NANOS2: variants seen among roughly 807,000 people sequenced by gnomAD.
NANOS2 encodes the protein nanos C2HC-type zinc finger 2.
NANOS2 carries 3 observed loss-of-function variants against 6.4 expected under a neutral mutation model. That is an observed-to-expected ratio of 0.47 (90% CI 0.22 to 1.22). NANOS2 has a LOEUF of 1.22. Ranked by LOEUF, NANOS2 falls within the 50% of genes most tolerant of loss-of-function variation. The pLI is 0.22. For synonymous variants in NANOS2, 86 were observed against 85.6 expected (o/e 1.00, Z -0.03); for missense variants, 177 against 191.0 (o/e 0.93, Z 0.43).
rs1967453261 is a variant in NANOS2 at position 45,914,771 on chromosome 19, C to T, written c.-78G>A. 3.6e-6 allele frequency: 5 copies of T among 1,398,306 alleles called. No individual in the cohort carries two copies. In the Admixed American group the frequency reaches 6.7e-5, roughly 19 times the overall value. The allele number at this position is 1,398,306 out of a possible 1,614,324, so 86.6% of individuals were successfully genotyped here. Reference sequence around the variant, plus strand: ...CGTGGGCAAGGGCAAGAGCAGCAGGCGTTTCCCAGAGCAGAAGGGAGCTGC... The same window carrying T: ...CGTGGGCAAGGGCAAGAGCAGCAGGTGTTTCCCAGAGCAGAAGGGAGCTGC... On this transcript the variant is annotated 5_prime_UTR_variant, in exon 1 of 1. Coordinates refer to ENST00000341294, the MANE Select transcript of NANOS2 (RefSeq NM_001029861.3).
chr19:45,914,161 G>T lies in NANOS2; in HGVS notation c.*116C>A. ...CACTGTTTCAGGATCCAGCCAGGGT[G>T]GAGTTCTGGGGGCCAGAAATTCCAA... On this transcript the variant is annotated 3_prime_UTR_variant, in exon 1 of 1. Transcript: ENST00000341294. The T allele has an allele frequency of 9.5e-7, 1 of 1,047,758 alleles. No individual in the cohort carries two copies. Among genetic ancestry groups the T allele is most frequent in the Admixed American group, 2.6e-5 (1 of 37,856 alleles). The allele number at this position is 1,047,758 out of a possible 1,614,324, so 64.9% of individuals were successfully genotyped here.
In NANOS2 at chr19:45,914,633, C is replaced by T. The variant is rs1405524924; in HGVS notation, c.61G>A (p.Ala21Thr). The change falls in exon 1 of 1, where the codon GCG (alanine) becomes ACG (threonine). Residue 21 changes from alanine (A) to threonine (T), a missense_variant. Physicochemically the swap from Ala to Thr is moderately conservative, Grantham distance 58. Coordinates refer to ENST00000341294, the MANE Select transcript of NANOS2 (RefSeq NM_001029861.3). ...DYFNLSQVVW[A>T]LIASRGQRLE... ...CTTTGACCCCGACTTGCGATCAGCGCCCACACCACCTGGCTCAGGTTGAAG... is the reference window on the plus strand; with the variant it reads ...CTTTGACCCCGACTTGCGATCAGCGTCCACACCACCTGGCTCAGGTTGAAG... 1.2e-6 allele frequency: 2 copies of T among 1,614,094 alleles called. No individual in the cohort carries two copies. Among genetic ancestry groups the T allele is most frequent in the South Asian group, 1.1e-5 (1 of 91,094 alleles).
chr19:45,914,476 C>T lies in NANOS2; in HGVS notation c.218G>A (p.Arg73His), dbSNP rs528874122. Residue 73 changes from arginine to histidine, a missense_variant, in exon 1 of 1, where the codon CGC becomes CAC. By Grantham distance (29) the Arg-to-His change is conservative. Transcript: ENST00000341294. ...CNFCKHNGESRHVYSSHQLKT... is the reference protein window; with the variant it reads ...CNFCKHNGESHHVYSSHQLKT... ...CAGCTGGTGTGAGGAGTAGACGTGG[C>T]GGGACTCCCCGTTGTGCTTGCAGAA... 6.2e-6 allele frequency: 10 copies of T among 1,614,132 alleles called. No homozygotes were observed. The highest frequency in any genetic ancestry group is 3.3e-4 in the Middle Eastern group (2 of 6,062).
Position 45,914,570 on chromosome 19 carries a change from G to T in NANOS2, c.124C>A (p.Pro42Thr). 2.5e-6 allele frequency: 4 copies of T among 1,614,190 alleles called. No homozygotes were observed. Among genetic ancestry groups the T allele is most frequent in the Non-Finnish European group, 3.4e-6 (4 of 1,180,010 alleles). Residue 42 changes from proline (P) to threonine (T), a missense_variant, in exon 1 of 1, where the codon CCT becomes ACT. By Grantham distance (38) the Pro-to-Thr change is conservative. Coordinates refer to ENST00000341294, the MANE Select transcript of NANOS2 (RefSeq NM_001029861.3). The stretch of plus-strand genomic sequence containing the variant: ...AGCCCCTGATCCTGCCCCAGCGGAG[G>T]CCCGGGACTTGGCTCCTCAATCTCT... Reference protein sequence around the residue: ...TQEIEEPSPGPPLGQDQGLGA... With the variant: ...TQEIEEPSPGTPLGQDQGLGA...
rs781054088 is a variant in NANOS2 at position 45,914,312 on chromosome 19, C to T, written c.382G>A (p.Gly128Arg). The T allele has an allele frequency of 1.9e-6, 3 of 1,613,506 alleles. No homozygotes were observed. The highest frequency in any genetic ancestry group is 2.2e-5 in the East Asian group (1 of 44,880). ...ACCCTGCGTCCGGCCGAGTTGCGCC[C>T]GCTGCGGCGGTAGAGGGACTGCTGG... Reference protein sequence around the residue: ...GGQQSLYRRSGRNSAGRRVKR With the variant: ...GGQQSLYRRSRRNSAGRRVKR The change falls in exon 1 of 1, where the codon GGG becomes AGG. Residue 128 changes from glycine (G) to arginine (R), a missense_variant. Gly to Arg is a moderately radical substitution (Grantham distance 125). Transcript: ENST00000341294.
In NANOS2 at chr19:45,913,976, G is replaced by A. The variant is rs1419955947; in HGVS notation, c.*301C>T. On this transcript the variant is annotated 3_prime_UTR_variant, in exon 1 of 1. Transcript: ENST00000341294. The stretch of plus-strand genomic sequence containing the variant: ...GGCTCCAGTCACCAGCAGGCCCCAC[G>A]AGGACAAAAGATCCATGAACCGGGG... The A allele has an allele frequency of 1.7e-5, 7 of 416,264 alleles. No individual in the cohort carries two copies. The highest frequency in any genetic ancestry group is 1.5e-4 in the East Asian group (4 of 26,118). The allele number at this position is 416,264 out of a possible 1,614,324, so 25.8% of individuals were successfully genotyped here.
chr19:45,913,948 C>A lies in NANOS2; in HGVS notation c.*329G>T. 1 of 358,628 alleles carries A rather than the reference C, an allele frequency of 2.8e-6. No individual in the cohort carries two copies. Among genetic ancestry groups the A allele is most frequent in the Non-Finnish European group, 5.1e-6 (1 of 194,848 alleles). The allele number at this position is 358,628 out of a possible 1,614,324, so 22.2% of individuals were successfully genotyped here. ...ACAAGGAACAGAGAAGTCGAAGGGG[C>A]AGGGCTCCAGTCACCAGCAGGCCCC... is the stretch of plus-strand genomic sequence containing the variant. On this transcript the variant is annotated 3_prime_UTR_variant, in exon 1 of 1. Coordinates refer to ENST00000341294, the MANE Select transcript of NANOS2 (RefSeq NM_001029861.3).
chr19:45,914,703 G>A lies in NANOS2; in HGVS notation c.-10C>T. The A allele has an allele frequency of 6.2e-7, 1 of 1,601,966 alleles. No individual in the cohort carries two copies. The highest frequency in any genetic ancestry group is 8.5e-7 in the Non-Finnish European group (1 of 1,172,328). ...AGGGTGGCAGCTGCATGGCACCAAA[G>A]CAGGGGTGGTGGGCCACAGGAGAGG... On this transcript the variant is annotated 5_prime_UTR_variant, in exon 1 of 1. Coordinates refer to ENST00000341294, the MANE Select transcript of NANOS2 (RefSeq NM_001029861.3).
Position 45,914,180 on chromosome 19 carries a change from A to T in NANOS2, c.*97T>A, listed in dbSNP as rs1242350404. The T allele has an allele frequency of 1.6e-6, 2 of 1,278,130 alleles. No individual in the cohort carries two copies. The highest frequency in any genetic ancestry group is 1.1e-6 in the Non-Finnish European group (1 of 940,388). The allele number at this position is 1,278,130 out of a possible 1,614,324, so 79.2% of individuals were successfully genotyped here. A position where few individuals can be genotyped will look rare whatever the true frequency, so the allele number is the denominator to read the frequency against. On this transcript the variant is annotated 3_prime_UTR_variant, in exon 1 of 1. Transcript: ENST00000341294. ...CAGGGTGGAGTTCTGGGGGCCAGAAATTCCAAAGGGCTGGGTGACTGGAAG... is the reference window on the plus strand; with the variant it reads ...CAGGGTGGAGTTCTGGGGGCCAGAATTTCCAAAGGGCTGGGTGACTGGAAG...
rs749440005 is a variant in NANOS2 at position 45,914,626 on chromosome 19, A to T, written c.68T>A (p.Ile23Asn). 2 of 1,614,170 alleles carry T rather than the reference A, an allele frequency of 1.2e-6. No individual in the cohort carries two copies. The highest frequency in any genetic ancestry group is 8.5e-7 in the Non-Finnish European group (1 of 1,180,022). Residue 23 changes from isoleucine (I) to asparagine (N), a missense_variant, in exon 1 of 1, where the codon ATC becomes AAC. By Grantham distance (149) the Ile-to-Asn change is moderately radical. Coordinates refer to ENST00000341294, the MANE Select transcript of NANOS2 (RefSeq NM_001029861.3). ...CTCCAGCCTTTGACCCCGACTTGCG[A>T]TCAGCGCCCACACCACCTGGCTCAG... ...FNLSQVVWAL[I>N]ASRGQRLETQ...
chr19:45,914,380 C>G lies in NANOS2; in HGVS notation c.314G>C (p.Gly105Ala). 2 of 1,614,110 alleles carry G rather than the reference C, an allele frequency of 1.2e-6. No individual in the cohort carries two copies. The highest frequency in any genetic ancestry group is 1.1e-5 in the South Asian group (1 of 91,088). ...GTACTTGAGCGTATGGGCCTGGTCA[C>G]CGGTGGCCCCGCACACGGGACACAC... ...HYVCPVCGATGDQAHTLKYCP... is the reference protein window; with the variant it reads ...HYVCPVCGATADQAHTLKYCP... Residue 105 changes from glycine (G) to alanine (A), a missense_variant, in exon 1 of 1, where the codon GGT becomes GCT. By Grantham distance (60) the Gly-to-Ala change is moderately conservative (BLOSUM62 0). Transcript: ENST00000341294.
At position 45,914,617 on chromosome 19, in the gene NANOS2, C is replaced by T. The variant is rs140269321; in HGVS notation, c.77G>A (p.Arg26Gln). The T allele has an allele frequency of 1.3e-3, 2,105 of 1,614,236 alleles. 2 individuals are homozygous for T. The highest frequency in any genetic ancestry group is 1.6e-3 in the Non-Finnish European group (1,941 of 1,180,040). The change falls in exon 1 of 1, where the codon CGG (arginine) becomes CAG (glutamine). Residue 26 changes from arginine to glutamine, a missense_variant. Physicochemically the swap from Arg to Gln is conservative, Grantham distance 43. Coordinates refer to ENST00000341294, the MANE Select transcript of NANOS2 (RefSeq NM_001029861.3). The stretch of plus-strand genomic sequence containing the variant: ...CTCTTGGGTCTCCAGCCTTTGACCC[C>T]GACTTGCGATCAGCGCCCACACCAC... ...SQVVWALIAS[R>Q]GQRLETQEIE... is the part of the protein sequence containing the mutation.
Position 45,914,302 on chromosome 19 carries a change from G to A in NANOS2, c.392C>T (p.Ser131Leu), listed in dbSNP as rs1256586556. 1.9e-6 allele frequency: 3 copies of A among 1,613,198 alleles called. No homozygotes were observed. The highest frequency in any genetic ancestry group is 1.1e-5 in the South Asian group (1 of 91,026). The change falls in exon 1 of 1, where the codon TCG (serine) becomes TTG (leucine). Residue 131 changes from serine to leucine, a missense_variant. Coordinates refer to ENST00000341294, the MANE Select transcript of NANOS2 (RefSeq NM_001029861.3). ...QSLYRRSGRN[S>L]AGRRVKR ...TCAGCGCTTGACCCTGCGTCCGGCC[G>A]AGTTGCGCCCGCTGCGGCGGTAGAG... is the stretch of plus-strand genomic sequence containing the variant.
rs1172161404 is a variant in NANOS2, at chr19:45,914,328, G to A, written c.366C>T (p.Ser122=). 1 of 1,613,808 alleles carries A rather than the reference G, an allele frequency of 6.2e-7. No individual in the cohort carries two copies. The highest frequency in any genetic ancestry group is 8.5e-7 in the Non-Finnish European group (1 of 1,179,970). ...AGTTGCGCCCGCTGCGGCGGTAGAGGGACTGCTGGCCACCGTTAAGCGGGC... is the reference window on the plus strand; with the variant it reads ...AGTTGCGCCCGCTGCGGCGGTAGAGAGACTGCTGGCCACCGTTAAGCGGGC... ...KYCPLNGGQQ[S]LYRRSGRNSA... Residue 122 remains serine (S), a synonymous_variant, in exon 1 of 1, where the codon TCC becomes TCT. Transcript: ENST00000341294.
In NANOS2 at chr19:45,913,953, C is replaced by T. The variant is rs1053070369; in HGVS notation, c.*324G>A. The T allele has an allele frequency of 5.4e-6, 2 of 373,802 alleles. No individual in the cohort carries two copies. Among genetic ancestry groups the T allele is most frequent in the Admixed American group, 4.0e-5 (1 of 25,184 alleles). 23.2% of individuals were successfully genotyped at this position (373,802 alleles called of 1,614,324 possible). ...GAACAGAGAAGTCGAAGGGGCAGGG[C>T]TCCAGTCACCAGCAGGCCCCACGAG... is the stretch of plus-strand genomic sequence containing the variant. On this transcript the variant is annotated 3_prime_UTR_variant, in exon 1 of 1. Coordinates refer to ENST00000341294, the MANE Select transcript of NANOS2 (RefSeq NM_001029861.3).
rs535471871 is a variant in NANOS2, at chr19:45,914,768, A to T, written c.-75T>A. 7.0e-7 allele frequency: 1 copy of T among 1,431,290 alleles called. No individual in the cohort carries two copies. Among genetic ancestry groups the T allele is most frequent in the Admixed American group, 2.2e-5 (1 of 46,116 alleles). 88.7% of individuals were successfully genotyped at this position (1,431,290 alleles called of 1,614,324 possible). On this transcript the variant is annotated 5_prime_UTR_variant, in exon 1 of 1. Coordinates refer to ENST00000341294, the MANE Select transcript of NANOS2 (RefSeq NM_001029861.3). ...GCCCGTGGGCAAGGGCAAGAGCAGC[A>T]GGCGTTTCCCAGAGCAGAAGGGAGC...
rs143135004 is a variant in NANOS2 at position 45,914,464 on chromosome 19, G to T, written c.230C>A (p.Ser77Tyr). Residue 77 changes from serine to tyrosine, a missense_variant, in exon 1 of 1, where the codon TCC (serine) becomes TAC (tyrosine). Coordinates refer to ENST00000341294, the MANE Select transcript of NANOS2 (RefSeq NM_001029861.3). ...KHNGESRHVY[S>Y]SHQLKTPDGV... ...ATCCGGTGTCTTCAGCTGGTGTGAGGAGTAGACGTGGCGGGACTCCCCGTT... is the reference window on the plus strand; with the variant it reads ...ATCCGGTGTCTTCAGCTGGTGTGAGTAGTAGACGTGGCGGGACTCCCCGTT... 3.1e-6 allele frequency: 5 copies of T among 1,614,072 alleles called. No homozygotes were observed. The highest frequency in any genetic ancestry group is 2.7e-5 in the African/African-American group (2 of 74,948).
At position 45,914,301 on chromosome 19, in the gene NANOS2, C is replaced by A. The variant is rs751448672; in HGVS notation, c.393G>T (p.Ser131=). The change falls in exon 1 of 1, where the codon TCG becomes TCT. Residue 131 remains serine (S), a synonymous_variant. Coordinates refer to ENST00000341294, the MANE Select transcript of NANOS2 (RefSeq NM_001029861.3). The part of the protein sequence containing the change: ...QSLYRRSGRN[S]AGRRVKR The stretch of plus-strand genomic sequence containing the variant: ...CTCAGCGCTTGACCCTGCGTCCGGC[C>A]GAGTTGCGCCCGCTGCGGCGGTAGA... 1.1e-5 allele frequency: 18 copies of A among 1,613,096 alleles called. No homozygotes were observed. The highest frequency in any genetic ancestry group is 1.7e-5 in the Admixed American group (1 of 59,958).
rs1161376305 is a variant in NANOS2 at position 45,914,632 on chromosome 19, G to GC, written c.61dup (p.Ala21GlyfsTer16). Reference sequence around the variant, plus strand: ...CCTTTGACCCCGACTTGCGATCAGCGCCCACACCACCTGGCTCAGGTTGAA... The same window carrying GC: ...CCTTTGACCCCGACTTGCGATCAGCGCCCCACACCACCTGGCTCAGGTTGAA... On this transcript the variant is annotated frameshift_variant, in exon 1 of 1. Transcript: ENST00000341294. LOFTEE classifies it low-confidence loss of function (END_TRUNC). 6.2e-7 allele frequency: 1 copy of GC among 1,614,062 alleles called. No individual in the cohort carries two copies. The highest frequency in any genetic ancestry group is 1.3e-5 in the African/African-American group (1 of 74,926).
Sources: gnomAD v4.1 joint callset for allele counts on GRCh38, gnomAD v4.1.1 for gene constraint, MANE v1.5 for transcripts, NCBI Gene and HGNC (gene_info 2026-07-23, HGNC 2026-07-21) for gene names.